SS18: variants seen among roughly 807,000 people sequenced by gnomAD.
SS18 encodes the protein SS18 subunit of BAF chromatin remodeling complex.
SS18 carries 28 observed loss-of-function variants against 72.5 expected under a neutral mutation model. The ratio of observed to expected loss-of-function variants is 0.39; its 90% CI spans 0.29 to 0.53. The LOEUF (loss-of-function observed/expected upper bound fraction) is 0.53, where lower values mean the gene tolerates loss of function less well. SS18 is among the 20% of genes least tolerant of loss of function. The pLI is 0.76. For synonymous variants in SS18, 172 were observed against 164.2 expected, an observed-to-expected ratio of 1.05 and a Z score of -0.37; for missense variants, 518 against 535.3, an observed-to-expected ratio of 0.97 and a Z score of 0.32.
rs71169806 is a variant in SS18, at chr18:26,047,259, CAAAAAAAAA to C, written c.607+5356_607+5364del. On this transcript the variant is annotated intron_variant, in intron 5 of 10. Coordinates refer to ENST00000415083, the MANE Select transcript of SS18 (RefSeq NM_001007559.3). ...CTGTTACCTTTGGAAAGTAATATGC[CAAAAAAAAA>C]AAAAAAAAAAAAAAGAAGAAGAAGA... Among the ~76,000 whole-genome samples, 178 of 75,744 alleles carry C rather than the reference CAAAAAAAAA, an allele frequency of 2.4e-3. 1 individual carries two copies. Among genetic ancestry groups the C allele is most frequent in the South Asian group, 0.011 (19 of 1,668 alleles). The allele number at this position is 75,744 out of a possible 152,430, so 49.7% of individuals were successfully genotyped here.
chr18:26,031,100 C>T (rs922066), intron 10 of SS18, among the ~76,000 whole-genome samples: 8,725 of 152,208 alleles, frequency 0.057, 733 homozygotes, highest in African/African-American at 0.19. Flanking sequence ...AAAAAGTTTA[C>T]CTGCAGATTA....
intron 9 of SS18, among the ~76,000 whole-genome samples, chr18:26,032,740 T>C (rs2053565093): frequency 6.6e-6 from 1 of 152,216 alleles, no homozygotes; most frequent in Admixed American, 6.5e-5. Flanking sequence ...TTCACTATAA[T>C]TATCGTACTA....
intron 10 of SS18, among the ~76,000 whole-genome samples, chr18:26,021,773 T>C (rs2053354835): frequency 6.6e-6 from 1 of 152,198 alleles, no homozygotes; most frequent in South Asian, 2.1e-4. Flanking sequence ...CTTGGCAATC[T>C]AGCTTGGTGA....
chr18:26,076,774 G>A (rs192002820), intron 3 of SS18, among the ~76,000 whole-genome samples: 1 of 151,900 alleles, frequency 6.6e-6, no homozygotes, highest in African/African-American at 2.4e-5. Context: ...CCATTGATCA[G>A]AGAAACAAAA....
intron 5 of SS18, among the ~76,000 whole-genome samples, chr18:26,047,822 G>C (rs2053856123): frequency 2.1e-5 from 2 of 93,212 alleles, no homozygotes; most frequent in Non-Finnish European, 3.5e-5. Context: ...CAGCCTCAGA[G>C]TGAGGCGACA....
At chr18:26,024,485 G>C (rs1346225582) in intron 10 of SS18, among the ~76,000 whole-genome samples, 1 of 152,074 alleles carries the variant, frequency 6.6e-6, no homozygotes, top group Non-Finnish European at 1.5e-5. Context: ...CATCATGCCT[G>C]GCTAGTTTTT....
At position 26,035,033 on chromosome 18, in the gene SS18, T is replaced by C. The variant is rs61731050; in HGVS notation, c.1068A>G (p.Gln356=). ...PPQQQQYPGQ[Q]GYPGQQQGYG... is the part of the protein sequence containing the mutation. ...AGCCCTGCTGCTGTCCTGGGTAACC[T>C]TGCTGCCCTGGGTACTGCTGCTGCT... is the stretch of plus-strand genomic sequence containing the variant. Residue 356 remains glutamine (Q), a synonymous_variant, in exon 9 of 11, where the codon CAA becomes CAG. Coordinates refer to ENST00000415083, the MANE Select transcript of SS18 (RefSeq NM_001007559.3). This position sits in a 1 kb window ranked among gnomAD's most constrained non-coding sequence, Gnocchi z 4.4. The C allele has an allele frequency of 8.1e-4, 1,301 of 1,613,492 alleles. 6 individuals carry two copies. The African/African-American group carries it at 0.014, about 17-fold the overall frequency.
At chr18:26,063,455 C>G (rs759102019) in intron 3 of SS18, among the ~76,000 whole-genome samples, 7 of 152,086 alleles carry the variant, frequency 4.6e-5, no homozygotes, top group African/African-American at 1.7e-4. Flanking sequence ...GGAGGTGGAG[C>G]TGGCAGTGAG....
chr18:26,056,082 G>A (rs763746318), intron 4 of SS18, among the ~76,000 whole-genome samples: 2 of 151,960 alleles, frequency 1.3e-5, no homozygotes, highest in Non-Finnish European at 2.9e-5. Context: ...CTATTGTTTC[G>A]GAAGCTCTAT....
chr18:26,068,036 A>C (rs7234803), intron 3 of SS18, among the ~76,000 whole-genome samples: 37,726 of 152,014 alleles, frequency 0.25, 8,133 homozygotes, highest in African/African-American at 0.58. Context: ...ACTGATCTGA[A>C]AGAAGGCAGA....
At chr18:26,023,921 C>G (rs924838965) in intron 10 of SS18, among the ~76,000 whole-genome samples, 1 of 151,790 alleles carries the variant, frequency 6.6e-6, no homozygotes, top group African/African-American at 2.4e-5. Context: ...GGGTTTATAA[C>G]GTATACAGAA....
intron 2 of SS18, among the ~76,000 whole-genome samples, chr18:26,083,294 G>A (rs2054561195): frequency 6.6e-6 from 1 of 152,092 alleles, no homozygotes; most frequent in Non-Finnish European, 1.5e-5. Context: ...AAATTTTGCT[G>A]ACTCAGTTGG....
chr18:26,043,828 G>C (rs947271493), intron 5 of SS18, among the ~76,000 whole-genome samples: 19 of 152,224 alleles, frequency 1.2e-4, no homozygotes, highest in Admixed American at 5.9e-4. Flanking sequence ...AGCAAGTAAA[G>C]AGAACAACAG....
At chr18:26,040,332 CT>C (rs888292618) in intron 5 of SS18, among the ~76,000 whole-genome samples, 1 of 152,168 alleles carries the variant, frequency 6.6e-6, no homozygotes, top group East Asian at 1.9e-4. Context: ...TGTTAAGCAG[CT>C]CCTGAGAGGT....
intron 10 of SS18, among the ~76,000 whole-genome samples, chr18:26,023,196 T>A (rs999186945): frequency 2.0e-5 from 3 of 152,130 alleles, no homozygotes; most frequent in Non-Finnish European, 4.4e-5. Flanking sequence ...TGATTAAAAC[T>A]GACCCTAAAA....
At position 26,035,072 on chromosome 18, in the gene SS18, C is replaced by G; in HGVS notation, c.1029G>C (p.Gln343His). Residue 343 changes from glutamine (Q) to histidine (H), a missense_variant, in exon 9 of 11, where the codon CAG (glutamine) becomes CAC (histidine). Transcript: ENST00000415083. This position sits in a 1 kb window ranked among gnomAD's most constrained non-coding sequence, Gnocchi z 4.4. ...ACTGCTGCTGCTGGGGTGGATATCC[C>G]TGTTGTGGAGGTGGTCCCTGGTATG... ...QDAYQGPPPQ[Q>H]GYPPQQQQYP... 6.2e-7 allele frequency: 1 copy of G among 1,613,528 alleles called. No homozygotes were observed. The highest frequency in any genetic ancestry group is 8.5e-7 in the Non-Finnish European group (1 of 1,179,688).
At chr18:26,045,105 C>T (rs938646610) in intron 5 of SS18, among the ~76,000 whole-genome samples, 4 of 152,196 alleles carry the variant, frequency 2.6e-5, no homozygotes, top group Non-Finnish European at 4.4e-5. Flanking sequence ...TTTAAAGCCA[C>T]GATCATCTCT....
At chr18:26,051,262 T>C (rs1046937406) in intron 5 of SS18, among the ~76,000 whole-genome samples, 18 of 151,968 alleles carry the variant, frequency 1.2e-4, no homozygotes, top group African/African-American at 4.4e-4. Context: ...TACTGTACTA[T>C]AGTAAAAGGA....
At chr18:26,069,475 T>C (rs763207414) in intron 3 of SS18, among the ~76,000 whole-genome samples, 4 of 146,850 alleles carry the variant, frequency 2.7e-5, no homozygotes, top group Non-Finnish European at 4.5e-5. Flanking sequence ...TTTGAAATAC[T>C]GTGACAGGTC....
Sources: gnomAD v4.1 joint callset for allele counts (sites outside exome capture counted in the v4.1 genomes callset) on GRCh38, gnomAD v4.1.1 for gene constraint, Gnocchi (gnomAD v3.1) non-coding constraint, MANE v1.5 for transcripts, NCBI Gene and HGNC (gene_info 2026-07-23, HGNC 2026-07-21) for gene names.